The following BACH1 variants were observed in gnomAD, a reference collection of about 807,000 sequenced individuals.
BACH1 encodes transcription regulator protein BACH1.
A neutral mutation model predicts 52.9 loss-of-function variants in BACH1; 35 were observed. That is an observed-to-expected ratio of 0.66 (90% CI 0.51 to 0.88). The LOEUF (loss-of-function observed/expected upper bound fraction) is 0.88. Ranked by LOEUF, BACH1 falls within the 40% of genes least tolerant of loss-of-function variation. BACH1 has a pLI of 0.00. For synonymous variants in BACH1, 321 were observed against 319.6 expected, an observed-to-expected ratio of 1.00 and a Z score of -0.05; for missense variants, 808 against 872.6, an observed-to-expected ratio of 0.93 and a Z score of 0.93.
chr21:29,350,867 A>ATC (rs2089198220), downstream of BACH1, among the ~76,000 whole-genome samples: 1 of 152,048 alleles, frequency 6.6e-6, no homozygotes, highest in African/African-American at 2.4e-5. Context: ...AAAGAGAAAG[A>ATC]TACCCCAGAA....
At chr21:29,324,947 A>C (rs1295255625) in intron 2 of BACH1, among the ~76,000 whole-genome samples, 3 of 152,164 alleles carry the variant, frequency 2.0e-5, no homozygotes, top group African/African-American at 7.2e-5. Context: ...AGAAGATCAC[A>C]GCCGGGCGCG....
At chr21:29,338,179 G>A (rs971967286) in intron 4 of BACH1, among the ~76,000 whole-genome samples, 2 of 152,178 alleles carry the variant, frequency 1.3e-5, no homozygotes, top group Admixed American at 1.3e-4. Flanking sequence ...TTTTAAGTGA[G>A]GGCACACTGT....
chr21:29,310,621 G>A lies in BACH1; in HGVS notation c.-60-10600G>A, dbSNP rs892100017. On this transcript the variant is annotated intron_variant, in intron 1 of 4. Transcript: ENST00000286800. ...TGTGGGTCCAGATGTGTTCACCTAG[G>A]GAGTGTGTGCAAAGAAGAAACCAGA... is the stretch of plus-strand genomic sequence containing the variant. Among the ~76,000 whole-genome samples, 7 of 152,222 alleles carry A rather than the reference G, an allele frequency of 4.6e-5. No individual in the cohort carries two copies. In the East Asian group the frequency reaches 7.7e-4, roughly 17 times the overall value.
At chr21:29,333,264 G>C (rs2089006009) in intron 4 of BACH1, among the ~76,000 whole-genome samples, 1 of 152,180 alleles carries the variant, frequency 6.6e-6, no homozygotes, top group South Asian at 2.1e-4. Flanking sequence ...GTGATGTTAT[G>C]GATCTTGTCT....
intron 1 of BACH1, among the ~76,000 whole-genome samples, chr21:29,302,011 A>C (rs1440962174): frequency 6.6e-6 from 1 of 152,156 alleles, no homozygotes; most frequent in East Asian, 1.9e-4. Context: ...ACAGTTGCAA[A>C]GCCCGTTAAA....
intron 4 of BACH1, among the ~76,000 whole-genome samples, chr21:29,338,730 A>G (rs1007339518): frequency 6.6e-6 from 1 of 152,242 alleles, no homozygotes; most frequent in Non-Finnish European, 1.5e-5. Flanking sequence ...CATTAAAACT[A>G]TATTTTAAAA....
chr21:29,329,310 T>G (rs1415054947), intron 3 of BACH1, among the ~76,000 whole-genome samples, 177 bp from the exon 4 acceptor site: 2 of 152,144 alleles, frequency 1.3e-5, no homozygotes, highest in South Asian at 2.1e-4. Flanking sequence ...CAAAAAAATA[T>G]GTGTAGATCA....
chr21:29,345,764 T>C lies in BACH1; in HGVS notation c.*2931T>C, dbSNP rs1443480787. The stretch of plus-strand genomic sequence containing the variant: ...CGGTGAATTCTCAGGTGAACTTTTT[T>C]CAGTTATAAAACATCTATTTTGAAT... On this transcript the variant is annotated 3_prime_UTR_variant, in exon 5 of 5. Coordinates refer to ENST00000286800, the MANE Select transcript of BACH1 (RefSeq NM_001186.4). 6.6e-6 allele frequency: 1 copy of C among 152,642 alleles called. No individual in the cohort carries two copies. The highest frequency in any genetic ancestry group is 1.5e-5 in the Non-Finnish European group (1 of 68,024). The allele number at this position is 152,642 out of a possible 1,614,324, so 9.5% of individuals were successfully genotyped here.
intron 4 of BACH1, 29 bp from the exon 5 acceptor site, chr21:29,342,370 C>T (rs2089123811): frequency 6.3e-7 from 1 of 1,584,482 alleles, no homozygotes; most frequent in African/African-American, 1.4e-5. Flanking sequence ...TAAACACAAG[C>T]CATTGTGTTC....
chr21:29,353,115 G>C (rs1047157711), intron 2 of BACH1, among the ~76,000 whole-genome samples: 1 of 152,142 alleles, frequency 6.6e-6, no homozygotes, highest in Admixed American at 6.5e-5. Flanking sequence ...CCAAAGTGTT[G>C]GAATTACAGG....
At chr21:29,300,549 C>T (rs1260935729) in intron 1 of BACH1, among the ~76,000 whole-genome samples, 3 of 152,180 alleles carry the variant, frequency 2.0e-5, no homozygotes, top group Non-Finnish European at 2.9e-5. Flanking sequence ...GCCTCGTGAC[C>T]TGCTGTCTGA....
At chr21:29,361,645 A>G (rs2089272591) in intron 2 of BACH1, 1 of 152,230 alleles carries the variant, frequency 6.6e-6, no homozygotes, top group Non-Finnish European at 1.5e-5. Context: ...CTAATGAGTA[A>G]TCAGTCCAAA....
At chr21:29,357,371 T>C (rs755512789) in intron 2 of BACH1, among the ~76,000 whole-genome samples, 4 of 152,218 alleles carry the variant, frequency 2.6e-5, no homozygotes, top group Non-Finnish European at 4.4e-5. Context: ...AAGTCTGGAC[T>C]ACAATTTGTT....
intron 1 of BACH1, among the ~76,000 whole-genome samples, chr21:29,307,752 CTG>C (rs1319660465): frequency 6.6e-6 from 1 of 152,160 alleles, no homozygotes; most frequent in Non-Finnish European, 1.5e-5. Context: ...AGGGGGACAC[CTG>C]TGTATGTTGT....
chr21:29,306,668 T>G (rs2088661653), intron 1 of BACH1, among the ~76,000 whole-genome samples: 1 of 152,180 alleles, frequency 6.6e-6, no homozygotes, highest in African/African-American at 2.4e-5. Context: ...TGTTGTGCAG[T>G]TAACAGTGAC....
chr21:29,331,134 C>T (rs2088976623), intron 4 of BACH1, among the ~76,000 whole-genome samples: 1 of 152,092 alleles, frequency 6.6e-6, no homozygotes, highest in Admixed American at 6.5e-5. Context: ...AAACCCTTAC[C>T]TGCCTTTAGA....
In BACH1 at chr21:29,327,294, A is replaced by G; in HGVS notation, c.1470A>G (p.Glu490=). The G allele has an allele frequency of 6.2e-7, 1 of 1,614,160 alleles. No individual in the cohort carries two copies. The highest frequency in any genetic ancestry group is 8.5e-7 in the Non-Finnish European group (1 of 1,180,030). Residue 490 remains glutamate, a synonymous_variant, in exon 3 of 5, where the codon GAA becomes GAG. Transcript: ENST00000286800. The part of the protein sequence containing the change: ...NDDYVSEPQQ[E]PCPYACVISL... ...ATTATGTTTCAGAACCCCAGCAAGA[A>G]CCTTGCCCATATGCTTGTGTCATTA...
At chr21:29,315,091 C>CT (rs148744231) in intron 1 of BACH1, among the ~76,000 whole-genome samples, 4,262 of 152,082 alleles carry the variant, frequency 0.028, 184 homozygotes, top group African/African-American at 0.097. Flanking sequence ...TAGAATTTTT[C>CT]TTATGGGAAT....
chr21:29,305,554 A>G (rs1481689372), intron 1 of BACH1, among the ~76,000 whole-genome samples: 1 of 152,192 alleles, frequency 6.6e-6, no homozygotes, highest in African/African-American at 2.4e-5. Flanking sequence ...AGGAGCTGAG[A>G]TTCTAGAGAG....
Sources: allele counts gnomAD v4.1 joint callset (sites outside exome capture counted in the v4.1 genomes callset), GRCh38; gene constraint gnomAD v4.1.1; transcripts MANE v1.5; gene names NCBI Gene and HGNC (gene_info 2026-07-23, HGNC 2026-07-21).